CPA4: variants seen among roughly 807,000 people sequenced by gnomAD.
CPA4 encodes the protein carboxypeptidase A4.
CPA4 carries 49 observed loss-of-function variants against 54.7 expected under a neutral mutation model. The observed-to-expected ratio is 0.90, with a 90% CI of 0.71 to 1.14. CPA4 has a LOEUF of 1.14. CPA4 is among the 50% of genes most tolerant of loss of function. The pLI, the probability that CPA4 is intolerant of heterozygous loss-of-function variation, is 0.00. For missense variants in CPA4, 487 were observed against 525.1 expected, an observed-to-expected ratio of 0.93 and a Z score of 0.71; for synonymous variants, 215 against 206.8, an observed-to-expected ratio of 1.04 and a Z score of -0.34.
intron 1 of CPA4, among the ~76,000 whole-genome samples, chr7:130,294,676 A>C (rs774211813): frequency 6.6e-6 from 1 of 152,230 alleles, no homozygotes; most frequent in Admixed American, 6.5e-5. Flanking sequence ...TTTTGCACAG[A>C]AAAAGCTGTG....
In CPA4 at chr7:130,310,753, G is replaced by A. The variant is rs767307171; in HGVS notation, c.794-34G>A. 6.3e-7 allele frequency: 1 copy of A among 1,591,962 alleles called. No individual in the cohort carries two copies. The highest frequency in any genetic ancestry group is 8.6e-7 in the Non-Finnish European group (1 of 1,159,962). On this transcript the variant is annotated intron_variant, in intron 8 of 10. Transcript: ENST00000222482. This position sits in a 1 kb window ranked among gnomAD's most constrained non-coding sequence, Gnocchi z 4.3. ...TTGCATTTCTGTGTTCTTGGACTATGAGTTAATGTTTGTTCTTGGGCTATC... is the reference window on the plus strand; with the variant it reads ...TTGCATTTCTGTGTTCTTGGACTATAAGTTAATGTTTGTTCTTGGGCTATC...
At chr7:130,294,272 A>G (rs778213572) in intron 1 of CPA4, among the ~76,000 whole-genome samples, 8 of 152,300 alleles carry the variant, frequency 5.3e-5, no homozygotes, top group African/African-American at 9.6e-5. Context: ...ATAAAATCCT[A>G]TATCTCTTGG....
intron 1 of CPA4, among the ~76,000 whole-genome samples, chr7:130,296,174 G>A (rs553514783): frequency 3.9e-5 from 6 of 152,296 alleles, no homozygotes; most frequent in South Asian, 4.1e-4. Context: ...TGGGAACAGC[G>A]TGTACAAAAG....
intron 8 of CPA4, among the ~76,000 whole-genome samples, chr7:130,308,661 G>A (rs1793864867): frequency 6.6e-6 from 1 of 151,598 alleles, no homozygotes; most frequent in Admixed American, 6.6e-5. Context: ...GGGTTCAAGT[G>A]ATTCTCCTGC....
chr7:130,306,708 A>T, intron 6 of CPA4, 79 bp from the exon 7 acceptor site: 1 of 834,638 alleles, frequency 1.2e-6, no homozygotes, highest in Non-Finnish European at 2.0e-6. Flanking sequence ...GTTGCTGGGC[A>T]TCTTGAGAAG....
intron 1 of CPA4, 126 bp downstream of exon 1, chr7:130,293,374 C>G (rs1039248663): frequency 1.4e-6 from 1 of 710,686 alleles, no homozygotes; most frequent in Admixed American, 2.1e-5. Context: ...CCAGCTTTGC[C>G]CCTGTGTCAT....
In CPA4 at chr7:130,300,797, C is replaced by T. The variant is rs753080550; in HGVS notation, c.286-19C>T. 2 of 1,566,524 alleles carry T rather than the reference C, an allele frequency of 1.3e-6. No individual in the cohort carries two copies. Among genetic ancestry groups the T allele is most frequent in the Non-Finnish European group, 8.8e-7 (1 of 1,136,404 alleles). ...GCGTCTGCAATGGATCACTTCACAA[C>T]ATTGCTGTGTGTTTTCAGGCCCTTT... On this transcript the variant is annotated intron_variant, in intron 3 of 10. Transcript: ENST00000222482.
At chr7:130,309,705 T>C (rs1451865738) in intron 8 of CPA4, among the ~76,000 whole-genome samples, 1 of 152,198 alleles carries the variant, frequency 6.6e-6, no homozygotes, top group Non-Finnish European at 1.5e-5. Context: ...TAAACTCAGC[T>C]TCCAATTTCA....
rs145305952 is a variant in CPA4, at chr7:130,313,609, G to A, written c.1078+1487G>A. ...TTTTTTAAAGTATGTTAAAGACGTG[G>A]CCAATCTGCCTGCTCCCAATCCAAG... On this transcript the variant is annotated intron_variant, in intron 10 of 10. Coordinates refer to ENST00000222482, the MANE Select transcript of CPA4 (RefSeq NM_016352.4). Among the ~76,000 whole-genome samples, 998 of 148,456 alleles carry A rather than the reference G, an allele frequency of 6.7e-3. 12 individuals carry two copies. The highest frequency in any genetic ancestry group is 0.023 in the African/African-American group (953 of 41,252).
In CPA4 at chr7:130,294,001, G is replaced by T. The variant is rs553083016; in HGVS notation, c.68+753G>T. On this transcript the variant is annotated intron_variant, in intron 1 of 10. Coordinates refer to ENST00000222482, the MANE Select transcript of CPA4 (RefSeq NM_016352.4). ...GGAGAGATAAAAGGGATACCATGGT[G>T]CCCTGTTAGAAGACTGAATTATAAT... 2.0e-5 allele frequency among the ~76,000 whole-genome samples: 3 copies of T among 152,280 alleles called. No homozygotes were observed. The South Asian group carries it at 6.2e-4, about 32-fold the overall frequency.
chr7:130,314,706 G>T (rs896287638), intron 10 of CPA4, among the ~76,000 whole-genome samples: 1 of 152,170 alleles, frequency 6.6e-6, no homozygotes, highest in Non-Finnish European at 1.5e-5. Context: ...ACAGTTATTT[G>T]GGTAGGAGTA....
At chr7:130,315,966 T>C (rs974854329) in intron 10 of CPA4, among the ~76,000 whole-genome samples, 2 of 152,146 alleles carry the variant, frequency 1.3e-5, no homozygotes, top group African/African-American at 4.8e-5. Context: ...AAGCGTTGTT[T>C]TTTCAGGGTT....
chr7:130,304,397 T>G lies in CPA4; in HGVS notation c.385-81T>G, dbSNP rs1793785564. 5.7e-6 allele frequency: 5 copies of G among 872,002 alleles called. No homozygotes were observed. In the South Asian group the frequency reaches 6.6e-5, roughly 12 times the overall value. 54.0% of individuals were successfully genotyped at this position (872,002 alleles called of 1,614,324 possible). A position where few individuals can be genotyped will look rare whatever the true frequency, so the allele number is the denominator to read the frequency against. ...AGGGTCCCGGAAGAGATAGTTAAGA[T>G]CAACAAGGTAAATCACAGATATCCA... is the stretch of plus-strand genomic sequence containing the variant. On this transcript the variant is annotated intron_variant, in intron 4 of 10. Transcript: ENST00000222482.
Position 130,308,367 on chromosome 7 carries a change from C to T in CPA4, c.763C>T (p.Pro255Ser). Reference protein sequence around the residue: ...NPGSSCIGADPNRNWNASFAG... With the variant: ...NPGSSCIGADSNRNWNASFAG... ...TGGAAGCTCCTGCATTGGTGCTGAC[C>T]CAAATAGAAACTGGAACGCTAGTTT... The change falls in exon 8 of 11, where the codon CCA (proline) becomes TCA (serine). Residue 255 changes from proline (P) to serine (S), a missense_variant. By Grantham distance (74) the Pro-to-Ser change is moderately conservative. Transcript: ENST00000222482. 1.9e-6 allele frequency: 3 copies of T among 1,614,082 alleles called. No individual in the cohort carries two copies. The highest frequency in any genetic ancestry group is 2.5e-6 in the Non-Finnish European group (3 of 1,179,982).
In CPA4 at chr7:130,322,722, C is replaced by T. The variant is rs143586078; in HGVS notation, c.*46C>T. On this transcript the variant is annotated 3_prime_UTR_variant, in exon 11 of 11. Transcript: ENST00000222482. ...ACATTTATTTGTACCCACACGTGCA[C>T]GCACTGAGGCCATTGTTAAAGGAGC... The T allele has an allele frequency of 3.4e-4, 533 of 1,549,394 alleles. 1 individual carries two copies. The African/African-American group carries it at 4.4e-3, about 13-fold the overall frequency.
At chr7:130,317,264 C>G (rs928225371) in intron 10 of CPA4, among the ~76,000 whole-genome samples, 1 of 152,208 alleles carries the variant, frequency 6.6e-6, no homozygotes, top group African/African-American at 2.4e-5. Context: ...GTGTTCAGTA[C>G]AGTAACATGC....
At chr7:130,315,803 G>T (rs575190354) in intron 10 of CPA4, among the ~76,000 whole-genome samples, 7 of 152,306 alleles carry the variant, frequency 4.6e-5, no homozygotes, top group African/African-American at 1.7e-4. Context: ...GGGGTTTAGT[G>T]TTGGAATAAG....
At chr7:130,307,589 G>A (rs1409133312) in intron 7 of CPA4, among the ~76,000 whole-genome samples, 1 of 142,462 alleles carries the variant, frequency 7.0e-6, no homozygotes, top group African/African-American at 2.6e-5. Flanking sequence ...CCGAGATGGC[G>A]CCACTGCTCC....
At chr7:130,295,662 G>C (rs1424387412) in intron 1 of CPA4, among the ~76,000 whole-genome samples, 1 of 152,198 alleles carries the variant, frequency 6.6e-6, no homozygotes, top group Non-Finnish European at 1.5e-5. Flanking sequence ...CTCCTTTCAG[G>C]TGTTGCTGTG....
Sources: gnomAD v4.1 joint callset for allele counts (sites outside exome capture counted in the v4.1 genomes callset) on GRCh38, gnomAD v4.1.1 for gene constraint, Gnocchi (gnomAD v3.1) non-coding constraint, MANE v1.5 for transcripts, NCBI Gene and HGNC (gene_info 2026-07-23, HGNC 2026-07-21) for gene names.